C8B: variants seen among roughly 807,000 people sequenced by gnomAD.
C8B encodes the protein complement C8 beta chain.
C8B carries 67 observed loss-of-function variants against 64.6 expected under a neutral mutation model. The observed-to-expected ratio is 1.04, with a 90% CI of 0.85 to 1.27. C8B has a LOEUF of 1.27. Among genes scored for constraint, C8B ranks in the 50% most tolerant of loss-of-function variants. The pLI is 0.00. For missense variants in C8B, 790 were observed against 725.2 expected (o/e 1.09, Z -1.03); for synonymous variants, 284 against 257.7 (o/e 1.10, Z -0.98).
At chr1:56,961,205 T>C (rs1168149999) in intron 1 of C8B, among the ~76,000 whole-genome samples, 1 of 152,220 alleles carries the variant, frequency 6.6e-6, no homozygotes, top group Non-Finnish European at 1.5e-5. Flanking sequence ...ATTTTTTTCT[T>C]ACAATTGAAA....
intron 1 of C8B, among the ~76,000 whole-genome samples, chr1:56,962,869 T>C (rs533656883): frequency 6.6e-5 from 10 of 152,372 alleles, no homozygotes; most frequent in African/African-American, 1.9e-4. Context: ...TACTTACACA[T>C]ATGATTCTGC....
chr1:56,945,656 A>G (rs1368052797), intron 7 of C8B, among the ~76,000 whole-genome samples, 165 bp downstream of exon 7: 7 of 152,202 alleles, frequency 4.6e-5, no homozygotes, highest in Non-Finnish European at 1.0e-4. Context: ...TGGCCTAGGG[A>G]GCTAGGCAGA....
At chr1:56,930,053 T>C (rs1644676921) in intron 11 of C8B, among the ~76,000 whole-genome samples, 1 of 152,206 alleles carries the variant, frequency 6.6e-6, no homozygotes. Context: ...ACCTAGCAGC[T>C]AGGCAGGCAA....
Position 56,952,730 on chromosome 1 carries a change from C to T in C8B, c.534-550G>A, listed in dbSNP as rs561968396. Reference sequence around the variant, plus strand: ...GTTCTGCCCCTTACTGCCCAGGTGACCTTGGGCAAGCCAATTAAACCTTGG... The same window carrying T: ...GTTCTGCCCCTTACTGCCCAGGTGATCTTGGGCAAGCCAATTAAACCTTGG... On this transcript the variant is annotated intron_variant, in intron 4 of 11. Transcript: ENST00000371237. 3.3e-5 allele frequency among the ~76,000 whole-genome samples: 5 copies of T among 152,292 alleles called. No individual in the cohort carries two copies. In the South Asian group the frequency reaches 1.0e-3, roughly 32 times the overall value.
chr1:56,951,554 G>A (rs968963105), intron 5 of C8B, among the ~76,000 whole-genome samples: 1 of 152,132 alleles, frequency 6.6e-6, no homozygotes, highest in Non-Finnish European at 1.5e-5. Flanking sequence ...GCTTTTAATA[G>A]GCAGGGATTT....
rs1189564890 is a variant in C8B, at chr1:56,933,495, A to C, written c.1399-7T>G. On this transcript the variant is annotated splice_region_variant and splice_polypyrimidine_tract_variant and intron_variant, in intron 9 of 11. Transcript: ENST00000371237. ...GTTCATACAGAGGCTCCACCTGGAA[A>C]GGGAAAAGGGCATTTATTTCAAGAG... The C allele has an allele frequency of 6.2e-7, 1 of 1,612,674 alleles. No homozygotes were observed. The highest frequency in any genetic ancestry group is 8.5e-7 in the Non-Finnish European group (1 of 1,178,704).
intron 6 of C8B, among the ~76,000 whole-genome samples, chr1:56,948,612 C>T (rs1570391820): frequency 1.3e-5 from 2 of 151,898 alleles, no homozygotes; most frequent in South Asian, 2.1e-4. Flanking sequence ...GGAAGTGAGT[C>T]GAAGAGGGCA....
In C8B at chr1:56,959,774, G is replaced by A. The variant is rs954273779; in HGVS notation, c.249+246C>T. The A allele has an allele frequency of 4.0e-6, 3 of 757,108 alleles. No individual in the cohort carries two copies. The African/African-American group carries it at 5.3e-5, about 13-fold the overall frequency. The allele number at this position is 757,108 out of a possible 1,614,324, so 46.9% of individuals were successfully genotyped here. On this transcript the variant is annotated intron_variant, in intron 2 of 11. Coordinates refer to ENST00000371237, the MANE Select transcript of C8B (RefSeq NM_000066.4). ...AGATTGATTGAAAGAACAGGTTCAA[G>A]GCAGAGAGTCTAATTAGGAAGCTAG... is the stretch of plus-strand genomic sequence containing the variant.
chr1:56,943,774 C>A lies in C8B; in HGVS notation c.1156G>T (p.Gly386Cys), dbSNP rs1235444540. ...HACAKNDFKI[G>C]GAIEEVYVSL... ...ACGTAGACCTCTTCAATGGCACCAC[C>A]AATTTTAAAATCATTTTTGGCACAG... Residue 386 changes from glycine (G) to cysteine (C), a missense_variant, in exon 8 of 12, where the codon GGT becomes TGT. Coordinates refer to ENST00000371237, the MANE Select transcript of C8B (RefSeq NM_000066.4). 6.2e-7 allele frequency: 1 copy of A among 1,614,022 alleles called. No individual in the cohort carries two copies. The highest frequency in any genetic ancestry group is 1.1e-5 in the South Asian group (1 of 91,060).
At chr1:56,939,287 C>T (rs896017454) in intron 9 of C8B, among the ~76,000 whole-genome samples, 1 of 152,220 alleles carries the variant, frequency 6.6e-6, no homozygotes, top group Non-Finnish European at 1.5e-5. Context: ...TCTCAGGAGC[C>T]CCTGCAGCTC....
intron 9 of C8B, among the ~76,000 whole-genome samples, chr1:56,937,471 T>A (rs1334228719): frequency 6.6e-6 from 1 of 152,176 alleles, no homozygotes; most frequent in Non-Finnish European, 1.5e-5. Context: ...GTGGGCACCA[T>A]TCATTACTGT....
chr1:56,936,514 A>T (rs34558213), intron 9 of C8B, among the ~76,000 whole-genome samples: 2,574 of 102,100 alleles, frequency 0.025, 69 homozygotes, highest in Non-Finnish European at 0.035. Context: ...TTTGTGGTAA[A>T]TTTTTTTTTT....
chr1:56,951,699 C>T (rs181700678), intron 5 of C8B, among the ~76,000 whole-genome samples: 2 of 152,208 alleles, frequency 1.3e-5, no homozygotes, highest in East Asian at 3.9e-4. Context: ...TCTATAACTC[C>T]CAATTTAAAG....
intron 8 of C8B, among the ~76,000 whole-genome samples, chr1:56,942,991 G>A (rs1450955273): frequency 6.6e-6 from 1 of 151,864 alleles, no homozygotes; most frequent in African/African-American, 2.4e-5. Context: ...AGCTACTCAG[G>A]AGGCTGAGGT....
chr1:56,957,810 T>A (rs1645123838), intron 2 of C8B, among the ~76,000 whole-genome samples: 3 of 152,064 alleles, frequency 2.0e-5, no homozygotes, highest in Non-Finnish European at 4.4e-5. Context: ...ATGAGTGCCA[T>A]GACAGGGGAG....
Position 56,931,812 on chromosome 1 carries a change from T to C in C8B, c.1619A>G (p.Lys540Arg), listed in dbSNP as rs1345797552. 1 of 1,606,660 alleles carries C rather than the reference T, an allele frequency of 6.2e-7. No homozygotes were observed. The highest frequency in any genetic ancestry group is 1.1e-5 in the South Asian group (1 of 90,960). Residue 540 changes from lysine (K) to arginine (R), a missense_variant and splice_region_variant, in exon 11 of 12, where the codon AAG (lysine) becomes AGG (arginine). Coordinates refer to ENST00000371237, the MANE Select transcript of C8B (RefSeq NM_000066.4). ...AGTTCCTTTTCCAATTAACTTACTC[T>C]TCCGATAGGAGACCTCACAGGCTAG... ...QGLACEVSYR[K>R]NTPIDGKWNC...
chr1:56,934,235 G>A (rs373239395), intron 9 of C8B, among the ~76,000 whole-genome samples: 4 of 149,822 alleles, frequency 2.7e-5, no homozygotes, highest in Non-Finnish European at 5.9e-5. Flanking sequence ...TCTGTGTTTC[G>A]AGGGTCCAGC....
chr1:56,953,694 A>T (rs974168156), intron 4 of C8B, among the ~76,000 whole-genome samples: 1 of 152,168 alleles, frequency 6.6e-6, no homozygotes, highest in African/African-American at 2.4e-5. Flanking sequence ...GCAGATGATA[A>T]AGCTAAAGTT....
At chr1:56,947,634 T>C (rs1211381836) in intron 6 of C8B, among the ~76,000 whole-genome samples, 3 of 152,084 alleles carry the variant, frequency 2.0e-5, no homozygotes, top group African/African-American at 7.2e-5. Flanking sequence ...ACAACTGATA[T>C]AATTAAGAAA....
Sources: allele counts gnomAD v4.1 joint callset (sites outside exome capture counted in the v4.1 genomes callset), GRCh38; gene constraint gnomAD v4.1.1; transcripts MANE v1.5; gene names NCBI Gene and HGNC (gene_info 2026-07-23, HGNC 2026-07-21).